Variants in MGAT4A observed in about 807,000 individuals in gnomAD.
MGAT4A encodes N-acetylglucosaminyltransferase IVa.
Under a neutral mutation model 74.1 loss-of-function variants are expected in MGAT4A, and 33 were observed. That is an observed-to-expected ratio of 0.45 (90% CI 0.34 to 0.60). MGAT4A has a LOEUF of 0.60. MGAT4A is among the 20% of genes least tolerant of loss of function. MGAT4A has a pLI of 0.02. For synonymous variants in MGAT4A, 198 were observed against 210.4 expected, an observed-to-expected ratio of 0.94 and a Z score of 0.51; for missense variants, 479 against 628.3, an observed-to-expected ratio of 0.76 and a Z score of 2.54.
At position 98,624,657 on chromosome 2, in the gene MGAT4A, A is replaced by ATT; in HGVS notation, c.*907_*908dup. On this transcript the variant is annotated 3_prime_UTR_variant, in exon 16 of 16. Coordinates refer to ENST00000393487, the MANE Select transcript of MGAT4A (RefSeq NM_012214.3). The stretch of plus-strand genomic sequence containing the variant: ...AGCAGATAATGCACCTAATTCATGG[A>ATT]TTAAAGACAAAGATTAAAAAGGAAA... The ATT allele has an allele frequency of 2.0e-6, 2 of 982,348 alleles. No homozygotes were observed. The highest frequency in any genetic ancestry group is 2.4e-6 in the Non-Finnish European group (2 of 827,080). The allele number at this position is 982,348 out of a possible 1,614,324, so 60.9% of individuals were successfully genotyped here.
intron 2 of MGAT4A, among the ~76,000 whole-genome samples, chr2:98,709,876 C>G (rs1702493333): frequency 1.3e-5 from 2 of 152,174 alleles, no homozygotes; most frequent in South Asian, 4.1e-4. Context: ...TCACATTCTC[C>G]TTTAAGTAAG....
At chr2:98,678,551 C>A in intron 2 of MGAT4A, 80 bp from the exon 3 acceptor site, 1 of 974,084 alleles carries the variant, frequency 1.0e-6, no homozygotes. Context: ...TGTAAAATTA[C>A]AAAGTTTAAA....
At chr2:98,657,584 T>C (rs1050844777) in intron 6 of MGAT4A, among the ~76,000 whole-genome samples, 2 of 152,234 alleles carry the variant, frequency 1.3e-5, no homozygotes, top group Non-Finnish European at 1.5e-5. Context: ...TAGCAAATAA[T>C]TGTTGCTTCT....
chr2:98,650,596 T>TA (rs1371089786), intron 8 of MGAT4A, among the ~76,000 whole-genome samples: 1 of 152,152 alleles, frequency 6.6e-6, no homozygotes, highest in Non-Finnish European at 1.5e-5. Flanking sequence ...TTCAAAGTGC[T>TA]AAAACATACT....
At chr2:98,662,127 C>CT (rs903170004) in intron 5 of MGAT4A, among the ~76,000 whole-genome samples, 2 of 152,262 alleles carry the variant, frequency 1.3e-5, no homozygotes, top group Admixed American at 6.5e-5. Flanking sequence ...ACAGGAAACT[C>CT]AAATAAAGTC....
intron 14 of MGAT4A, 62 bp downstream of exon 14, chr2:98,635,160 T>A (rs909436344): frequency 7.7e-6 from 10 of 1,291,772 alleles, no homozygotes; most frequent in African/African-American, 1.5e-5. Context: ...TGAAAAGAAC[T>A]GAAAAGTACT....
intron 8 of MGAT4A, among the ~76,000 whole-genome samples, chr2:98,648,468 C>A (rs959272991): frequency 2.0e-5 from 3 of 151,998 alleles, no homozygotes; most frequent in African/African-American, 4.8e-5. Context: ...CCATTGCAGT[C>A]CAGCCTGGGC....
Position 98,622,408 on chromosome 2 carries a change from AG to A in MGAT4A, c.*3157del. ...GGTAAAAAAATGTTTTTATTTAAAC[AG>A]CCCCCATGTGTCTACTGGCTATATG... is the stretch of plus-strand genomic sequence containing the variant. On this transcript the variant is annotated 3_prime_UTR_variant, in exon 16 of 16. Transcript: ENST00000393487. The A allele has an allele frequency of 1.0e-6, 1 of 985,486 alleles. No homozygotes were observed. The highest frequency in any genetic ancestry group is 1.2e-6 in the Non-Finnish European group (1 of 829,950). 61.0% of individuals were successfully genotyped at this position (985,486 alleles called of 1,614,324 possible). A position where few individuals can be genotyped will look rare whatever the true frequency, so the allele number is the denominator to read the frequency against.
At chr2:98,681,133 C>G (rs530238718) in intron 2 of MGAT4A, among the ~76,000 whole-genome samples, 85 of 152,274 alleles carry the variant, frequency 5.6e-4, no homozygotes, top group Admixed American at 4.2e-3. Flanking sequence ...CAGGCGCCCG[C>G]CACCATGCCC....
intron 1 of MGAT4A, among the ~76,000 whole-genome samples, chr2:98,730,786 C>CCGGCCCG (rs1702842436): frequency 1.3e-5 from 2 of 148,298 alleles, no homozygotes; most frequent in Admixed American, 1.3e-4. Context: ...GGAGGACGGC[C>CCGGCCCG]CGGCCCGCGC....
At chr2:98,626,276 G>A (rs1434106557) in intron 14 of MGAT4A, among the ~76,000 whole-genome samples, 4 of 152,086 alleles carry the variant, frequency 2.6e-5, no homozygotes, top group Non-Finnish European at 5.9e-5. Flanking sequence ...CTTGAGCAGG[G>A]ACTCAATACA....
At chr2:98,708,345 A>G (rs1351566754) in intron 2 of MGAT4A, among the ~76,000 whole-genome samples, 2 of 152,228 alleles carry the variant, frequency 1.3e-5, no homozygotes, top group Non-Finnish European at 2.9e-5. Flanking sequence ...GAGATTTACT[A>G]ATTAGATATA....
intron 1 of MGAT4A, among the ~76,000 whole-genome samples, chr2:98,727,150 A>T (rs1464224715): frequency 6.6e-6 from 1 of 152,168 alleles, no homozygotes; most frequent in Non-Finnish European, 1.5e-5. Context: ...TACAGTTATA[A>T]CTGCTGTTTA....
At chr2:98,662,702 G>C (rs113769780) in intron 5 of MGAT4A, among the ~76,000 whole-genome samples, 1 of 152,136 alleles carries the variant, frequency 6.6e-6, no homozygotes, top group Non-Finnish European at 1.5e-5. Flanking sequence ...ATAAAAGAAT[G>C]ATAAAACCCC....
chr2:98,712,244 C>T (rs991486137), intron 2 of MGAT4A, among the ~76,000 whole-genome samples: 3 of 152,210 alleles, frequency 2.0e-5, no homozygotes, highest in Non-Finnish European at 4.4e-5. Context: ...AGACCAACTC[C>T]AACACCGCTT....
chr2:98,697,137 G>C (rs1180806872), intron 2 of MGAT4A, among the ~76,000 whole-genome samples: 1 of 152,112 alleles, frequency 6.6e-6, no homozygotes, highest in Non-Finnish European at 1.5e-5. Flanking sequence ...CCAATTAAAA[G>C]AGAGACTAGA....
intron 2 of MGAT4A, among the ~76,000 whole-genome samples, chr2:98,702,696 G>GT (rs1702370162): frequency 6.6e-6 from 1 of 152,204 alleles, no homozygotes; most frequent in Non-Finnish European, 1.5e-5. Flanking sequence ...GGCTCGAGGT[G>GT]TTTGACTACA....
At chr2:98,679,583 G>C (rs1274771265) in intron 2 of MGAT4A, among the ~76,000 whole-genome samples, 2 of 152,058 alleles carry the variant, frequency 1.3e-5, no homozygotes, top group Admixed American at 1.3e-4. Context: ...AGTGAGCTAT[G>C]ATCACACAAC....
At chr2:98,730,288 G>C (rs1220813040) in intron 1 of MGAT4A, 3 of 152,264 alleles carry the variant, frequency 2.0e-5, no homozygotes, top group African/African-American at 4.8e-5. Flanking sequence ...GGGTGTGCAA[G>C]TGGCTCGACT....
Sources: allele counts gnomAD v4.1 joint callset (sites outside exome capture counted in the v4.1 genomes callset), GRCh38; gene constraint gnomAD v4.1.1; transcripts MANE v1.5; gene names NCBI Gene and HGNC (gene_info 2026-07-23, HGNC 2026-07-21).